The following RB1 variants were observed in gnomAD, a reference collection of about 807,000 sequenced individuals.
RB1 encodes RB transcriptional corepressor 1.
A neutral mutation model predicts 135.4 loss-of-function variants in RB1; 18 were observed. The ratio of observed to expected loss-of-function variants is 0.13; its 90% CI spans 0.09 to 0.20. The LOEUF is 0.20. RB1 is among the 10% of genes least tolerant of loss of function. The pLI is 1.00. For synonymous variants in RB1, 365 were observed against 373.2 expected (o/e 0.98, Z 0.25); for missense variants, 868 against 1,110.0 (o/e 0.78, Z 3.10).
rs186120302 is a variant in RB1, at chr13:48,308,180, G to A, written c.264+774G>A. ...TTACTAGAGTTTTATATGTACTGGGGCAATAGTATAAGAATTTTACATAGC... is the reference window on the plus strand; with the variant it reads ...TTACTAGAGTTTTATATGTACTGGGACAATAGTATAAGAATTTTACATAGC... On this transcript the variant is annotated intron_variant, in intron 2 of 26. Coordinates refer to ENST00000267163, the MANE Select transcript of RB1 (RefSeq NM_000321.3). 5.7e-3 allele frequency among the ~76,000 whole-genome samples: 857 copies of A among 151,372 alleles called. 28 individuals are homozygous for A. The highest frequency in any genetic ancestry group is 0.01 in the Middle Eastern group (3 of 294).
intron 24 of RB1, chr13:48,476,356 A>C (rs1276388188): frequency 4.2e-6 from 1 of 237,736 alleles, no homozygotes; most frequent in African/African-American, 2.3e-5. Context: ...GTTTCCAGAA[A>C]GCTGTTCTGA....
chr13:48,448,892 G>A (rs886194857), intron 17 of RB1, among the ~76,000 whole-genome samples: 4 of 152,108 alleles, frequency 2.6e-5, no homozygotes, highest in African/African-American at 9.7e-5. Context: ...ACGTTTCATT[G>A]CTAGTAAACT....
In RB1 at chr13:48,453,001, T is replaced by C; in HGVS notation, c.1704T>C (p.Pro568=). ...CATCATGTTTCATATAGGATTCACC[T>C]TTATTTGATCTTATTAAACAATCAA... ...MESLAWLSDS[P]LFDLIKQSKD... Residue 568 remains proline (P), a synonymous_variant, in exon 18 of 27, where the codon CCT becomes CCC. Coordinates refer to ENST00000267163, the MANE Select transcript of RB1 (RefSeq NM_000321.3). 6.2e-7 allele frequency: 1 copy of C among 1,612,672 alleles called. No homozygotes were observed. Among genetic ancestry groups the C allele is most frequent in the Non-Finnish European group, 8.5e-7 (1 of 1,179,510 alleles).
At chr13:48,457,690 C>G (rs1230443693) in intron 19 of RB1, among the ~76,000 whole-genome samples, 6 of 152,250 alleles carry the variant, frequency 3.9e-5, no homozygotes, top group Non-Finnish European at 8.8e-5. Flanking sequence ...CGGCTTCCCC[C>G]CCGTGCTCGT....
intron 8 of RB1, among the ~76,000 whole-genome samples, chr13:48,363,496 A>T (rs1247546142): frequency 1.3e-5 from 2 of 152,162 alleles, no homozygotes; most frequent in African/African-American, 4.8e-5. Flanking sequence ...GTTTGAGGTT[A>T]CAGTGAGACA....
intron 2 of RB1, chr13:48,317,542 G>T: frequency 2.3e-6 from 1 of 432,984 alleles, no homozygotes; most frequent in South Asian, 2.1e-5. Flanking sequence ...GCCCGCTGTG[G>T]CACTGCTGGG....
At position 48,439,089 on chromosome 13, in the gene RB1, G is replaced by T. The variant is rs1006325772; in HGVS notation, c.1696-13904G>T. The stretch of plus-strand genomic sequence containing the variant: ...AGAGTGAAAGAGGCAGTAAGCAAAG[G>T]AACGTGACTCCCATACTAGTATAGC... On this transcript the variant is annotated intron_variant, in intron 17 of 26. Transcript: ENST00000267163. Among the ~76,000 whole-genome samples, 22 of 152,104 alleles carry T rather than the reference G, an allele frequency of 1.4e-4. 1 individual carries two copies. The highest frequency in any genetic ancestry group is 1.4e-3 in the Admixed American group (22 of 15,264).
intron 17 of RB1, among the ~76,000 whole-genome samples, chr13:48,446,252 C>T (rs1949286668): frequency 6.6e-6 from 1 of 152,200 alleles, no homozygotes; most frequent in Non-Finnish European, 1.5e-5. Flanking sequence ...GCCACCATGC[C>T]TGGCCCCATT....
At chr13:48,464,833 TTTTA>T (rs1341328294) in intron 21 of RB1, among the ~76,000 whole-genome samples, 161 bp from the exon 22 acceptor site, 2 of 152,138 alleles carry the variant, frequency 1.3e-5, no homozygotes, top group East Asian at 1.9e-4. Context: ...TAAGAAGTAA[TTTTA>T]TTTATTTATT....
chr13:48,479,941 C>A, intron 26 of RB1, 57 bp from the exon 27 acceptor site: 1 of 1,436,582 alleles, frequency 7.0e-7, no homozygotes, highest in Non-Finnish European at 9.7e-7. Flanking sequence ...ATGGCAGCCA[C>A]TTGCCAACTT....
At chr13:48,342,833 A>G in intron 3 of RB1, 119 bp downstream of exon 3, 1 of 706,962 alleles carries the variant, frequency 1.4e-6, no homozygotes, top group South Asian at 1.7e-5. Context: ...AACAAAAAGA[A>G]CTTGGACCAA....
chr13:48,332,030 A>G (rs963214911), intron 2 of RB1, among the ~76,000 whole-genome samples: 1 of 152,204 alleles, frequency 6.6e-6, no homozygotes, highest in Admixed American at 6.5e-5. Flanking sequence ...TCTGTTATAT[A>G]TATTGGAATT....
chr13:48,473,315 A>G lies in RB1; in HGVS notation c.2490-45A>G, dbSNP rs4151610. ...TTTATGCTCATCTCTGCAAAATTGT[A>G]TATGGTTTTTTATTACTAATTGGTA... On this transcript the variant is annotated intron_variant, in intron 23 of 26. Coordinates refer to ENST00000267163, the MANE Select transcript of RB1 (RefSeq NM_000321.3). The G allele has an allele frequency of 7.6e-3, 11,226 of 1,477,868 alleles. 61 individuals are homozygous for G. Among genetic ancestry groups the G allele is most frequent in the Non-Finnish European group, 9.2e-3 (9,697 of 1,059,638 alleles). The allele number at this position is 1,477,868 out of a possible 1,614,324, so 91.5% of individuals were successfully genotyped here.
chr13:48,399,236 CTT>C (rs1948671866), intron 17 of RB1, among the ~76,000 whole-genome samples: 1 of 151,932 alleles, frequency 6.6e-6, no homozygotes, highest in Non-Finnish European at 1.5e-5. Flanking sequence ...TTGTTTTACT[CTT>C]TCTCTGTTTT....
intron 12 of RB1, among the ~76,000 whole-genome samples, chr13:48,374,128 A>G (rs1952793455): frequency 6.6e-6 from 1 of 152,112 alleles, no homozygotes; most frequent in African/African-American, 2.4e-5. Flanking sequence ...TTTTCATCCA[A>G]TATTTAACCC....
chr13:48,445,595 C>T (rs1392604106), intron 17 of RB1, among the ~76,000 whole-genome samples: 1 of 152,128 alleles, frequency 6.6e-6, no homozygotes, highest in Non-Finnish European at 1.5e-5. Flanking sequence ...TTTCAAGACT[C>T]AGCGTCCATG....
At chr13:48,432,742 C>T (rs983173944) in intron 17 of RB1, among the ~76,000 whole-genome samples, 2 of 151,420 alleles carry the variant, frequency 1.3e-5, no homozygotes, top group Non-Finnish European at 2.9e-5. Flanking sequence ...CTTGAGTAAG[C>T]GTACAGGAAT....
chr13:48,458,478 C>T (rs1220411721), intron 19 of RB1, among the ~76,000 whole-genome samples: 4 of 152,016 alleles, frequency 2.6e-5, no homozygotes, highest in Admixed American at 6.6e-5. Flanking sequence ...CAGATATTAT[C>T]CTTAGGTTAG....
At chr13:48,374,105 A>G (rs553856797) in intron 12 of RB1, among the ~76,000 whole-genome samples, 2 of 152,004 alleles carry the variant, frequency 1.3e-5, no homozygotes, top group African/African-American at 2.4e-5. Context: ...CATTCCCCAT[A>G]CCCCTACAAT....
Sources: gnomAD v4.1 joint callset for allele counts (sites outside exome capture counted in the v4.1 genomes callset) on GRCh38, gnomAD v4.1.1 for gene constraint, MANE v1.5 for transcripts, NCBI Gene and HGNC (gene_info 2026-07-23, HGNC 2026-07-21) for gene names.